Variants in ZNF597 observed in about 807,000 individuals in gnomAD.
The protein encoded by ZNF597 is zinc finger protein 597.
ZNF597 carries 5 observed loss-of-function variants against 7.3 expected under a neutral mutation model. The observed-to-expected ratio is 0.68, with a 90% CI of 0.36 to 1.44. The LOEUF is 1.44. Ranked by LOEUF, ZNF597 falls within the 40% of genes most tolerant of loss-of-function variation. The pLI is 0.04. For missense variants in ZNF597, 585 were observed against 517.9 expected, an observed-to-expected ratio of 1.13 and a Z score of -1.26; for synonymous variants, 209 against 185.4, an observed-to-expected ratio of 1.13 and a Z score of -1.04.
chr16:3,440,964 A>G (rs1005228798), intron 2 of ZNF597, 31 bp from the exon 3 acceptor site: 1 of 1,604,470 alleles, frequency 6.2e-7, no homozygotes. Context: ...TCAGCACAAG[A>G]GGGTGGAGGG....
Position 3,440,896 on chromosome 16 carries a change from GAA to G in ZNF597, c.69_70del (p.Gln25ArgfsTer35). The G allele has an allele frequency of 6.2e-7, 1 of 1,613,916 alleles. No homozygotes were observed. Among genetic ancestry groups the G allele is most frequent in the Non-Finnish European group, 8.5e-7 (1 of 1,179,898 alleles). On this transcript the variant is annotated frameshift_variant, in exon 3 of 4. Coordinates refer to ENST00000301744, the MANE Select transcript of ZNF597 (RefSeq NM_152457.3). LOFTEE classifies it high-confidence loss of function. ...GTGCAGAGTCACGCACTCCTCTTGAGAAAAATACACAGCCAGATCCTCAAAGA... is the reference window on the plus strand; with the variant it reads ...GTGCAGAGTCACGCACTCCTCTTGAGAAATACACAGCCAGATCCTCAAAGA...
rs975627737 is a variant in ZNF597, at chr16:3,443,466, G to A, written c.-160C>T. 4 of 517,084 alleles carry A rather than the reference G, an allele frequency of 7.7e-6. No homozygotes were observed. The South Asian group carries it at 1.2e-4, about 15-fold the overall frequency. The allele number at this position is 517,084 out of a possible 1,614,324, so 32.0% of individuals were successfully genotyped here. A position where few individuals can be genotyped will look rare whatever the true frequency, so the allele number is the denominator to read the frequency against. ...GCCACGGCCACTGCAAAACTCCCAC[G>A]CTCTCATGCTCCTTTACGCAGGAGC... On this transcript the variant is annotated 5_prime_UTR_variant, in exon 1 of 4. Coordinates refer to ENST00000301744, the MANE Select transcript of ZNF597 (RefSeq NM_152457.3).
At chr16:3,441,008 G>T in intron 2 of ZNF597, 75 bp from the exon 3 acceptor site, 1 of 1,548,392 alleles carries the variant, frequency 6.5e-7, no homozygotes. Flanking sequence ...AGGATGAAAA[G>T]AGCTAGAAAC....
At position 3,432,505 on chromosome 16, in the gene ZNF597, T is replaced by C. The variant is rs1360850536; in HGVS notation, c.*3919A>G. Reference sequence around the variant, plus strand: ...AGAGCTTGCAAACTAGAGTGAAGACTGATGAGAATACGTCAAAAAGAGTAA... The same window carrying C: ...AGAGCTTGCAAACTAGAGTGAAGACCGATGAGAATACGTCAAAAAGAGTAA... On this transcript the variant is annotated 3_prime_UTR_variant, in exon 4 of 4. Transcript: ENST00000301744. 6.6e-6 allele frequency: 1 copy of C among 152,182 alleles called. No individual in the cohort carries two copies. Among genetic ancestry groups the C allele is most frequent in the Non-Finnish European group, 1.5e-5 (1 of 68,032 alleles). The allele number at this position is 152,182 out of a possible 1,614,324, so 9.4% of individuals were successfully genotyped here.
In ZNF597 at chr16:3,440,988, T is replaced by C. The variant is rs149503721; in HGVS notation, c.34-55A>G. On this transcript the variant is annotated intron_variant, in intron 2 of 3. Transcript: ENST00000301744. ...GAGGGTGGAGGGTCAGCCCCTCACTTAACCTAGGAAGGATGAAAAGAGCTA... is the reference window on the plus strand; with the variant it reads ...GAGGGTGGAGGGTCAGCCCCTCACTCAACCTAGGAAGGATGAAAAGAGCTA... The C allele has an allele frequency of 7.5e-3, 11,844 of 1,588,670 alleles. 127 individuals are homozygous for C. The highest frequency in any genetic ancestry group is 0.054 in the Middle Eastern group (270 of 5,046).
In ZNF597 at chr16:3,436,744, C is replaced by G; in HGVS notation, c.955G>C (p.Asp319His). 6.2e-7 allele frequency: 1 copy of G among 1,613,866 alleles called. No homozygotes were observed. The highest frequency in any genetic ancestry group is 1.1e-5 in the South Asian group (1 of 91,068). The change falls in exon 4 of 4, where the codon GAC becomes CAC. Residue 319 changes from aspartate to histidine, a missense_variant. Transcript: ENST00000301744. ...TCGCTGCAGCGTTCAGAGTCCTCGT[C>G]GTGGCTCTTCTCGGAAAGGGCAGGA... The part of the protein sequence containing the change: ...LYPALSEKSH[D>H]EDSERCSDDG...
chr16:3,436,594 G>A lies in ZNF597; in HGVS notation c.1105C>T (p.His369Tyr). 6.2e-7 allele frequency: 1 copy of A among 1,607,690 alleles called. No individual in the cohort carries two copies. The highest frequency in any genetic ancestry group is 1.1e-5 in the South Asian group (1 of 90,512). ...HQNIHTEERP[H>Y]KCKTCEESFA... is the part of the protein sequence containing the mutation. ...CTTTCCTCGCATGTTTTGCACTTAT[G>A]GGGCCTTTCCTCTGTATGAATGTTC... Residue 369 changes from histidine (H) to tyrosine (Y), a missense_variant, in exon 4 of 4, where the codon CAT becomes TAT. Physicochemically the swap from His to Tyr is moderately conservative, Grantham distance 83. Transcript: ENST00000301744.
intron 2 of ZNF597, among the ~76,000 whole-genome samples, chr16:3,442,607 G>A (rs865963429): frequency 2.0e-5 from 3 of 151,444 alleles, no homozygotes; most frequent in African/African-American, 2.4e-5. Context: ...CCCGGGAGGC[G>A]GAGCTTGCAG....
chr16:3,443,422 C>A lies in ZNF597; in HGVS notation c.-116G>T. 1.9e-6 allele frequency: 1 copy of A among 525,208 alleles called. No homozygotes were observed. The highest frequency in any genetic ancestry group is 2.0e-5 in the African/African-American group (1 of 50,700). 32.5% of individuals were successfully genotyped at this position (525,208 alleles called of 1,614,324 possible). A position where few individuals can be genotyped will look rare whatever the true frequency, so the allele number is the denominator to read the frequency against. On this transcript the variant is annotated 5_prime_UTR_variant, in exon 1 of 4. Transcript: ENST00000301744. ...AGGAGCTGCAGAAAGCGACGCCCGA[C>A]CGAGACGCGACGAAGAACGCCACGG...
chr16:3,443,014 G>A, intron 2 of ZNF597, 107 bp downstream of exon 2: 2 of 1,373,276 alleles, frequency 1.5e-6, no homozygotes, highest in South Asian at 1.2e-5. Flanking sequence ...TTGGGGCTCA[G>A]GAGCACTCCT....
chr16:3,436,688 T>A lies in ZNF597; in HGVS notation c.1011A>T (p.Lys337Asn), dbSNP rs538635763. The A allele has an allele frequency of 6.2e-7, 1 of 1,613,978 alleles. No individual in the cohort carries two copies. The highest frequency in any genetic ancestry group is 1.3e-5 in the African/African-American group (1 of 75,008). ...AGTCAGGACACTGTAAGGGCTTGAA[T>A]TTTGAGAATGAGAAGAAATTGTCCC... ...DDGDNFFSFS[K>N]FKPLQCPDCD... Residue 337 changes from lysine (K) to asparagine (N), a missense_variant, in exon 4 of 4, where the codon AAA (lysine) becomes AAT (asparagine). By Grantham distance (94) the Lys-to-Asn change is moderately conservative. Transcript: ENST00000301744.
At chr16:3,442,629 C>T (rs1227605403) in intron 2 of ZNF597, among the ~76,000 whole-genome samples, 5 of 150,744 alleles carry the variant, frequency 3.3e-5, no homozygotes, top group African/African-American at 1.2e-4. Context: ...GAGCCGAGAT[C>T]GCGCCACTGC....
intron 3 of ZNF597, 56 bp downstream of exon 3, chr16:3,440,751 A>C: frequency 6.2e-7 from 1 of 1,602,850 alleles, no homozygotes. Flanking sequence ...TAAAGCATGA[A>C]GTTCTCCTCC....
intron 3 of ZNF597, 29 bp downstream of exon 3, chr16:3,440,778 T>A (rs1882669285): frequency 6.2e-7 from 1 of 1,612,012 alleles, no homozygotes; most frequent in Non-Finnish European, 8.5e-7. Context: ...TGACAAAAGT[T>A]CCAGATGCAG....
In ZNF597 at chr16:3,434,884, C is replaced by T. The variant is rs1230696830; in HGVS notation, c.*1540G>A. On this transcript the variant is annotated 3_prime_UTR_variant, in exon 4 of 4. Coordinates refer to ENST00000301744, the MANE Select transcript of ZNF597 (RefSeq NM_152457.3). ...GAGCATTCTTCCATCCTAATCAAAACCCATGTAAATATTGTTTTGCTGATA... is the reference window on the plus strand; with the variant it reads ...GAGCATTCTTCCATCCTAATCAAAATCCATGTAAATATTGTTTTGCTGATA... 6.6e-6 allele frequency: 1 copy of T among 152,120 alleles called. No homozygotes were observed. The highest frequency in any genetic ancestry group is 2.4e-5 in the African/African-American group (1 of 41,426). The allele number at this position is 152,120 out of a possible 1,614,324, so 9.4% of individuals were successfully genotyped here.
Position 3,440,851 on chromosome 16 carries a change from C to T in ZNF597, c.116G>A (p.Ser39Asn). The T allele has an allele frequency of 6.2e-7, 1 of 1,614,046 alleles. No homozygotes were observed. The highest frequency in any genetic ancestry group is 8.5e-7 in the Non-Finnish European group (1 of 1,179,962). Residue 39 changes from serine (S) to asparagine (N), a missense_variant, in exon 3 of 4, where the codon AGC becomes AAC. Coordinates refer to ENST00000301744, the MANE Select transcript of ZNF597 (RefSeq NM_152457.3). ...VTLHPAQRSL[S>N]KDGTKESLED... ...CAAAGACTCTTTTGTACCATCTTTG[C>T]TGAGGGACCTCTGGGCAGGGTGCAG... is the stretch of plus-strand genomic sequence containing the variant.
rs548359418 is a variant in ZNF597, at chr16:3,432,452, T to C, written c.*3972A>G. 6 of 152,234 alleles carry C rather than the reference T, an allele frequency of 3.9e-5. No individual in the cohort carries two copies. The highest frequency in any genetic ancestry group is 1.9e-4 in the East Asian group (1 of 5,182). 9.4% of individuals were successfully genotyped at this position (152,234 alleles called of 1,614,324 possible). A position where few individuals can be genotyped will look rare whatever the true frequency, so the allele number is the denominator to read the frequency against. On this transcript the variant is annotated 3_prime_UTR_variant, in exon 4 of 4. Transcript: ENST00000301744. ...AAAATAGCATTTAATAGAAGCCAAA[T>C]TGCACATTAGACGTAATCAATAACT...
In ZNF597 at chr16:3,437,548, A is replaced by AAAAC; in HGVS notation, c.161-14_161-11dup. On this transcript the variant is annotated splice_polypyrimidine_tract_variant and intron_variant, in intron 3 of 3. Transcript: ENST00000301744. ...GGCTTGCCTTCCTCTCCTGTTGATAAAAACAAAAGAAAGCAAAACATAGAC... is the reference window on the plus strand; with the variant it reads ...GGCTTGCCTTCCTCTCCTGTTGATAAAAACAAACAAAAGAAAGCAAAACATAGAC... 2.5e-6 allele frequency: 4 copies of AAAAC among 1,573,774 alleles called. No homozygotes were observed. The highest frequency in any genetic ancestry group is 3.4e-6 in the Non-Finnish European group (4 of 1,164,824).
rs2034416815 is a variant in ZNF597 at position 3,443,105 on chromosome 16, A to T, written c.33+16T>A. 2 of 1,614,094 alleles carry T rather than the reference A, an allele frequency of 1.2e-6. No homozygotes were observed. The highest frequency in any genetic ancestry group is 2.7e-5 in the African/African-American group (2 of 75,064). The stretch of plus-strand genomic sequence containing the variant: ...AAGCAGCAATAAACTTGGACGAAAA[A>T]GGTACCTCGACTCACCTGGGCCTCG... On this transcript the variant is annotated intron_variant, in intron 2 of 3. Transcript: ENST00000301744.
Sources: allele counts gnomAD v4.1 joint callset (sites outside exome capture counted in the v4.1 genomes callset), GRCh38; gene constraint gnomAD v4.1.1; transcripts MANE v1.5; gene names NCBI Gene and HGNC (gene_info 2026-07-23, HGNC 2026-07-21).